Variants in CFDP1 observed in about 807,000 individuals in gnomAD.
CFDP1 encodes the protein heterochromatin-stabilizing protein CFDP1.
CFDP1 carries 31 observed loss-of-function variants against 40.1 expected under a neutral mutation model. The observed-to-expected ratio is 0.77, with a 90% CI of 0.58 to 1.04. The LOEUF (loss-of-function observed/expected upper bound fraction) is 1.04, where lower values mean the gene tolerates loss of function less well. CFDP1 is among the 50% of genes least tolerant of loss of function. CFDP1 has a pLI of 0.00. For missense variants in CFDP1, 423 were observed against 343.4 expected, an observed-to-expected ratio of 1.23 and a Z score of -1.83; for synonymous variants, 167 against 120.0, an observed-to-expected ratio of 1.39 and a Z score of -2.56.
chr16:75,425,863 C>A (rs112499519), intron 1 of CFDP1, among the ~76,000 whole-genome samples: 1 of 150,112 alleles, frequency 6.7e-6, no homozygotes, highest in African/African-American at 2.4e-5. Context: ...TGGTGAAACC[C>A]CATCTCCACT....
At chr16:75,332,814 T>C (rs1385545223) in intron 5 of CFDP1, among the ~76,000 whole-genome samples, 1 of 140,240 alleles carries the variant, frequency 7.1e-6, no homozygotes, top group African/African-American at 2.8e-5. Flanking sequence ...TTTTTTTTCC[T>C]TTTTTTTTTT....
chr16:75,330,338 A>G (rs1482873339), intron 5 of CFDP1, among the ~76,000 whole-genome samples: 1 of 152,194 alleles, frequency 6.6e-6, no homozygotes, highest in African/African-American at 2.4e-5. Context: ...TATTATCCCA[A>G]CACTTTGGGA....
intron 4 of CFDP1, among the ~76,000 whole-genome samples, chr16:75,405,652 G>A (rs1343969570): frequency 6.6e-6 from 1 of 151,672 alleles, no homozygotes; most frequent in East Asian, 1.9e-4. Context: ...TCAGGAAGCT[G>A]AGGCAGGAGA....
At position 75,352,088 on chromosome 16, in the gene CFDP1, C is replaced by T. The variant is rs1415887542; in HGVS notation, c.650+43002G>A. Among the ~76,000 whole-genome samples the T allele has an allele frequency of 2.8e-5, 4 of 143,900 alleles. No individual in the cohort carries two copies. In the South Asian group the frequency reaches 9.0e-4, roughly 32 times the overall value. The allele number at this position is 143,900 out of a possible 152,430, so 94.4% of individuals were successfully genotyped here. On this transcript the variant is annotated intron_variant, in intron 5 of 6. Transcript: ENST00000283882. ...GGGTGCTGTGGCTCACACCTGTAAT[C>T]CCAGCACTCCGGGAGGCTGAGGTGG...
intron 5 of CFDP1, among the ~76,000 whole-genome samples, chr16:75,385,697 C>T (rs1366125904): frequency 3.3e-5 from 5 of 152,148 alleles, no homozygotes; most frequent in Non-Finnish European, 4.4e-5. Flanking sequence ...TTGCCAAAGA[C>T]GAGCTATCTT....
intron 5 of CFDP1, among the ~76,000 whole-genome samples, chr16:75,335,734 T>C (rs983321912): frequency 1.3e-5 from 2 of 152,024 alleles, no homozygotes; most frequent in Non-Finnish European, 2.9e-5. Context: ...TTTTTTGTGT[T>C]TTTAGCAGAG....
intron 5 of CFDP1, among the ~76,000 whole-genome samples, chr16:75,383,522 CAATA>C (rs1206864725): frequency 6.6e-6 from 1 of 152,120 alleles, no homozygotes; most frequent in Non-Finnish European, 1.5e-5. Context: ...TGCAAAGGAT[CAATA>C]AGATACAGCC....
At chr16:75,418,478 T>G (rs2079236497) in intron 1 of CFDP1, among the ~76,000 whole-genome samples, 1 of 151,678 alleles carries the variant, frequency 6.6e-6, no homozygotes, top group South Asian at 2.1e-4. Context: ...TGGCTAATTT[T>G]TTTTGTATTT....
At chr16:75,351,149 G>A (rs1245127423) in intron 5 of CFDP1, among the ~76,000 whole-genome samples, 1 of 152,136 alleles carries the variant, frequency 6.6e-6, no homozygotes, top group Non-Finnish European at 1.5e-5. Flanking sequence ...TCTTAGGAAG[G>A]TAGAAGCTTC....
At chr16:75,379,856 T>C (rs948350215) in intron 5 of CFDP1, 1 of 152,074 alleles carries the variant, frequency 6.6e-6, no homozygotes, top group African/African-American at 2.4e-5. Context: ...GTAAAGGGAT[T>C]GCTGGGCGTA....
intron 5 of CFDP1, among the ~76,000 whole-genome samples, chr16:75,377,112 CTAAGCCCCAACT>C (rs2078805555): frequency 1.3e-5 from 2 of 151,466 alleles, no homozygotes; most frequent in Non-Finnish European, 2.9e-5. Context: ...CCCTCCAGGG[CTAAGCCCCAACT>C]GGGGGCTTGG....
At chr16:75,398,388 T>C (rs1418992696) in intron 4 of CFDP1, among the ~76,000 whole-genome samples, 1 of 152,194 alleles carries the variant, frequency 6.6e-6, no homozygotes, top group Non-Finnish European at 1.5e-5. Context: ...ACCCTGATAC[T>C]ACCCCAGTTA....
intron 5 of CFDP1, among the ~76,000 whole-genome samples, chr16:75,329,783 A>G (rs1383557629): frequency 6.6e-6 from 1 of 152,198 alleles, no homozygotes; most frequent in African/African-American, 2.4e-5. Context: ...TCATTTATCA[A>G]TTTGTTTTAA....
intron 1 of CFDP1, among the ~76,000 whole-genome samples, chr16:75,424,121 A>C (rs2079308544): frequency 6.6e-6 from 1 of 152,212 alleles, no homozygotes; most frequent in Non-Finnish European, 1.5e-5. Flanking sequence ...GACAAAATTC[A>C]CCTCTCTGAA....
At chr16:75,392,002 G>C (rs1039895056) in intron 5 of CFDP1, among the ~76,000 whole-genome samples, 27 of 151,438 alleles carry the variant, frequency 1.8e-4, no homozygotes, top group African/African-American at 6.6e-4. Context: ...AATAAATAAA[G>C]CTACTGGTCT....
chr16:75,320,846 G>A (rs1226045346), intron 5 of CFDP1, among the ~76,000 whole-genome samples: 1 of 152,210 alleles, frequency 6.6e-6, no homozygotes, highest in Non-Finnish European at 1.5e-5. Context: ...AACATGACCT[G>A]AGTCACACCA....
intron 5 of CFDP1, among the ~76,000 whole-genome samples, chr16:75,340,236 C>A (rs950686537): frequency 1.3e-5 from 2 of 152,122 alleles, no homozygotes; most frequent in African/African-American, 4.8e-5. Flanking sequence ...TCGACAACAA[C>A]CCTGGAGCCT....
At chr16:75,412,898 G>T in intron 2 of CFDP1, 144 bp from the exon 3 acceptor site, 2 of 484,282 alleles carry the variant, frequency 4.1e-6, no homozygotes, top group Non-Finnish European at 7.1e-6. Context: ...GTGAGTAGAA[G>T]AGTTAAGCTG....
At position 75,433,341 on chromosome 16, in the gene CFDP1, G is replaced by C; in HGVS notation, c.12C>G (p.Phe4Leu). The C allele has an allele frequency of 6.3e-7, 1 of 1,596,006 alleles. No individual in the cohort carries two copies. The highest frequency in any genetic ancestry group is 8.5e-7 in the Non-Finnish European group (1 of 1,171,804). The change falls in exon 1 of 7, where the codon TTC becomes TTG. Residue 4 changes from phenylalanine to leucine, a missense_variant. Transcript: ENST00000283882. The stretch of plus-strand genomic sequence containing the variant: ...CCGACGTAGAGAAGTCTTCGGAGTC[G>C]AATTCCTCCATGTTGCTGCCGCTCG... Reference protein sequence around the residue: MEEFDSEDFSTSEE... With the variant: MEELDSEDFSTSEE...
Sources: gnomAD v4.1 joint callset for allele counts (sites outside exome capture counted in the v4.1 genomes callset) on GRCh38, gnomAD v4.1.1 for gene constraint, MANE v1.5 for transcripts, NCBI Gene and HGNC (gene_info 2026-07-23, HGNC 2026-07-21) for gene names.